Variants in SNX29 observed in about 807,000 individuals in gnomAD.
The protein encoded by SNX29 is sorting nexin 29.
SNX29 carries 78 observed loss-of-function variants against 102.1 expected under a neutral mutation model. The observed-to-expected ratio is 0.76, with a 90% CI of 0.64 to 0.92. SNX29 has a LOEUF of 0.92. SNX29 is among the 40% of genes least tolerant of loss of function. The pLI, the probability that SNX29 is intolerant of heterozygous loss-of-function variation, is 0.00. For missense variants in SNX29, 1,280 were observed against 1,061.7 expected (o/e 1.21, Z -2.86); for synonymous variants, 580 against 414.5 (o/e 1.40, Z -4.85).
At chr16:12,517,053 G>T (rs908946615) in intron 19 of SNX29, among the ~76,000 whole-genome samples, 9 of 152,264 alleles carry the variant, frequency 5.9e-5, no homozygotes, top group Admixed American at 2.6e-4. Context: ...TTGAAAGCGA[G>T]GCCCAACTCC....
In SNX29 at chr16:12,570,963, C is replaced by T. The variant is rs2079175087; in HGVS notation, c.*2334C>T. ...GCCACATGGGGACCATCCCCAGCTG[C>T]CTGCTCCTGGTACCTCCCCCATGAT... On this transcript the variant is annotated 3_prime_UTR_variant, in exon 21 of 21. Coordinates refer to ENST00000566228, the MANE Select transcript of SNX29 (RefSeq NM_032167.5). 2 of 232,154 alleles carry T rather than the reference C, an allele frequency of 8.6e-6. No homozygotes were observed. The highest frequency in any genetic ancestry group is 1.1e-4 in the Admixed American group (2 of 17,732). The allele number at this position is 232,154 out of a possible 1,614,324, so 14.4% of individuals were successfully genotyped here. A position where few individuals can be genotyped will look rare whatever the true frequency, so the allele number is the denominator to read the frequency against.
At chr16:12,467,726 C>T (rs1357037918) in intron 18 of SNX29, among the ~76,000 whole-genome samples, 1 of 152,010 alleles carries the variant, frequency 6.6e-6, no homozygotes. Flanking sequence ...CTGAGTGTTT[C>T]TTTTGTACTT....
At chr16:12,554,193 C>T (rs1389185048) in intron 20 of SNX29, among the ~76,000 whole-genome samples, 1 of 152,202 alleles carries the variant, frequency 6.6e-6, no homozygotes, top group Non-Finnish European at 1.5e-5. Flanking sequence ...TGGCTTAAAC[C>T]ATTTGAACGA....
At chr16:12,268,366 C>T (rs73504194) in intron 14 of SNX29, among the ~76,000 whole-genome samples, 4,382 of 152,234 alleles carry the variant, frequency 0.029, 193 homozygotes, top group African/African-American at 0.1. Flanking sequence ...GAAATACTTG[C>T]CCAGAGTCAC....
At chr16:12,345,905 A>G (rs530245947) in intron 15 of SNX29, among the ~76,000 whole-genome samples, 1 of 152,286 alleles carries the variant, frequency 6.6e-6, no homozygotes, top group East Asian at 1.9e-4. Flanking sequence ...TTGTGGACAA[A>G]TGTGAATGTG....
intron 20 of SNX29, among the ~76,000 whole-genome samples, chr16:12,559,472 T>A (rs1482811593): frequency 6.6e-6 from 1 of 151,686 alleles, no homozygotes; most frequent in African/African-American, 2.4e-5. Context: ...AGTTGTGTAA[T>A]TTTTTCCATG....
In SNX29 at chr16:12,558,309, CACCTCAA is replaced by C. The variant is rs573702479; in HGVS notation, c.2319-10196_2319-10190del. 2.0e-5 allele frequency among the ~76,000 whole-genome samples: 3 copies of C among 152,174 alleles called. No individual in the cohort carries two copies. The East Asian group carries it at 5.8e-4, about 29-fold the overall frequency. ...TCTGAAACGCGAGATGGCCCCTGGT[CACCTCAA>C]GTGGCTATCAACAAAGAGACAAAGA... On this transcript the variant is annotated intron_variant, in intron 20 of 20. Coordinates refer to ENST00000566228, the MANE Select transcript of SNX29 (RefSeq NM_032167.5).
At chr16:12,025,394 A>C (rs8045634) in intron 3 of SNX29, among the ~76,000 whole-genome samples, 77,735 of 151,242 alleles carry the variant, frequency 0.51, 21,145 homozygotes, top group Non-Finnish European at 0.61. Flanking sequence ...CCCAGCAAAG[A>C]GGTTTGTTTC....
intron 16 of SNX29, among the ~76,000 whole-genome samples, chr16:12,385,043 G>T (rs907998106): frequency 1.3e-5 from 2 of 152,302 alleles, no homozygotes; most frequent in African/African-American, 4.8e-5. Flanking sequence ...GGCGGCGCAC[G>T]CCTATAGTAC....
chr16:12,310,232 A>G, intron 15 of SNX29, among the ~76,000 whole-genome samples: 1 of 152,236 alleles, frequency 6.6e-6, no homozygotes, highest in Non-Finnish European at 1.5e-5. Context: ...GGAGAGACTC[A>G]CCGAAATGCT....
chr16:12,027,600 C>G, intron 4 of SNX29, 156 bp downstream of exon 4: 1 of 806,520 alleles, frequency 1.2e-6, no homozygotes. Context: ...GTAGTCAAAA[C>G]GTAATGGTGT....
At chr16:12,306,443 T>G (rs185440958) in intron 15 of SNX29, among the ~76,000 whole-genome samples, 7 of 152,122 alleles carry the variant, frequency 4.6e-5, no homozygotes, top group Admixed American at 3.9e-4. Context: ...CTGTTTAAAA[T>G]GAATTAAACA....
rs1031544117 is a variant in SNX29 at position 12,096,264 on chromosome 16, T to C, written c.1402+17349T>C. ...GTGACTGTCTTAGTGTCTTAGTAAT[T>C]GGAAGGTTCCAGATGGCATTTAGAC... On this transcript the variant is annotated intron_variant, in intron 11 of 20. Transcript: ENST00000566228. The surrounding 1 kb of genome is among the most constrained non-coding windows in gnomAD (Gnocchi z 4.2). Among the ~76,000 whole-genome samples the C allele has an allele frequency of 7.9e-5, 12 of 152,234 alleles. No individual in the cohort carries two copies. Among genetic ancestry groups the C allele is most frequent in the African/African-American group, 2.9e-4 (12 of 41,464 alleles).
intron 5 of SNX29, among the ~76,000 whole-genome samples, chr16:12,043,939 G>A (rs1228069771): frequency 3.3e-5 from 5 of 151,724 alleles, no homozygotes; most frequent in Admixed American, 6.6e-5. Flanking sequence ...TTTTTAGTGG[G>A]TACGGGGTTT....
At chr16:12,174,959 C>G (rs554902798) in intron 13 of SNX29, among the ~76,000 whole-genome samples, 1 of 152,114 alleles carries the variant, frequency 6.6e-6, no homozygotes, top group East Asian at 1.9e-4. Context: ...TATCTTGTCC[C>G]TGAGGTAAGA....
At chr16:12,529,392 G>C (rs1216954213) in intron 20 of SNX29, among the ~76,000 whole-genome samples, 4 of 152,228 alleles carry the variant, frequency 2.6e-5, no homozygotes, top group African/African-American at 9.6e-5. Context: ...TCCCCGGGGA[G>C]ATGTGAGGTA....
intron 18 of SNX29, among the ~76,000 whole-genome samples, chr16:12,441,089 C>CTTTT (rs34125065): frequency 1.9e-5 from 2 of 102,696 alleles, no homozygotes; most frequent in Non-Finnish European, 3.7e-5. Flanking sequence ...TACTTCATTC[C>CTTTT]TTTTTTTTTT....
intron 14 of SNX29, among the ~76,000 whole-genome samples, chr16:12,243,203 C>A (rs1003576546): frequency 1.3e-5 from 2 of 152,236 alleles, no homozygotes; most frequent in Non-Finnish European, 2.9e-5. Flanking sequence ...ATGTAGTTGA[C>A]AGTGAATAAG....
At chr16:12,173,122 G>A (rs1425088326) in intron 13 of SNX29, among the ~76,000 whole-genome samples, 1 of 152,170 alleles carries the variant, frequency 6.6e-6, no homozygotes, top group African/African-American at 2.4e-5. Context: ...AATTGGCGCC[G>A]GTAAGTTCTG....
Sources: gnomAD v4.1 joint callset for allele counts (sites outside exome capture counted in the v4.1 genomes callset) on GRCh38, gnomAD v4.1.1 for gene constraint, Gnocchi (gnomAD v3.1) non-coding constraint, MANE v1.5 for transcripts, NCBI Gene and HGNC (gene_info 2026-07-23, HGNC 2026-07-21) for gene names.